ZZEF1: variants seen among roughly 807,000 people sequenced by gnomAD.
The protein encoded by ZZEF1 is zinc finger ZZ-type and EF-hand domain containing 1, also known as zinc finger ZZ-type and EF-hand domain-containing protein 1.
In ZZEF1, 157 loss-of-function variants were observed where a neutral mutation model predicts 342.8. The ratio of observed to expected loss-of-function variants is 0.46; its 90% confidence interval spans 0.40 to 0.52. The LOEUF (loss-of-function observed/expected upper bound fraction) is 0.52, where lower values mean the gene tolerates loss of function less well. ZZEF1 is among the 20% of genes least tolerant of loss of function. ZZEF1 has a pLI of 0.00. For synonymous variants in ZZEF1, 1,505 were observed against 1,429.1 expected (o/e 1.05, Z -1.20); for missense variants, 3,480 against 3,725.6 (o/e 0.93, Z 1.72).
At chr17:4,010,724 C>CAAAAAAAAAAAAAAAAAAA (rs58349682) in intron 52 of ZZEF1, among the ~76,000 whole-genome samples, 1 of 85,254 alleles carries the variant, frequency 1.2e-5, no homozygotes, top group Non-Finnish European at 2.1e-5. Context: ...GATTCCGTCT[C>CAAAAAAAAAAAAAAAAAAA]AAAAAAAAAA....
intron 52 of ZZEF1, among the ~76,000 whole-genome samples, chr17:4,010,669 G>A (rs1412792512): frequency 7.7e-6 from 1 of 130,370 alleles, no homozygotes; most frequent in Non-Finnish European, 1.5e-5. Context: ...AGGTTGCAGT[G>A]GGCTGAGATC....
At chr17:4,130,446 C>T (rs1246402852) in intron 1 of ZZEF1, among the ~76,000 whole-genome samples, 1 of 151,972 alleles carries the variant, frequency 6.6e-6, no homozygotes, top group African/African-American at 2.4e-5. Context: ...GAGTAAGACT[C>T]TGTCTCAAAA....
intron 37 of ZZEF1, 113 bp downstream of exon 37, chr17:4,049,595 A>G: frequency 8.0e-7 from 1 of 1,248,326 alleles, no homozygotes; most frequent in Non-Finnish European, 1.1e-6. Flanking sequence ...ATGTGAATCC[A>G]GCAGTCTGGG....
chr17:4,025,809 A>C (rs550997970), intron 42 of ZZEF1, among the ~76,000 whole-genome samples: 1 of 152,378 alleles, frequency 6.6e-6, no homozygotes, highest in Non-Finnish European at 1.5e-5. Context: ...AATAGCTTGC[A>C]GATATTGGGC....
In ZZEF1 at chr17:4,109,663, G is replaced by C; in HGVS notation, c.1267C>G (p.His423Asp). The change falls in exon 6 of 55, where the codon CAC becomes GAC. Residue 423 changes from histidine to aspartate, a missense_variant. Coordinates refer to ENST00000381638, the MANE Select transcript of ZZEF1 (RefSeq NM_015113.4). The stretch of plus-strand genomic sequence containing the variant: ...GAGAGAATGACTTACTGAGTATTGT[G>C]CAGCACTGTCTGGACAAAGGCGGGA... ...TNPAFVQTVLHNTQKALRHMP... is the reference protein window; with the variant it reads ...TNPAFVQTVLDNTQKALRHMP... The C allele has an allele frequency of 6.2e-7, 1 of 1,614,114 alleles. No homozygotes were observed. Among genetic ancestry groups the C allele is most frequent in the Non-Finnish European group, 8.5e-7 (1 of 1,179,972 alleles).
At chr17:4,093,831 A>C (rs2057988299) in intron 11 of ZZEF1, among the ~76,000 whole-genome samples, 2 of 152,012 alleles carry the variant, frequency 1.3e-5, no homozygotes, top group African/African-American at 4.8e-5. Flanking sequence ...TTCAATTTTA[A>C]CTCACTAGTA....
intron 39 of ZZEF1, among the ~76,000 whole-genome samples, chr17:4,038,165 G>A (rs951146526): frequency 2.0e-5 from 3 of 152,196 alleles, no homozygotes; most frequent in East Asian, 3.8e-4. Flanking sequence ...AAATTTGAGA[G>A]GATATGGAGC....
intron 16 of ZZEF1, among the ~76,000 whole-genome samples, chr17:4,085,396 G>C (rs1296844868): frequency 6.6e-6 from 1 of 152,180 alleles, no homozygotes; most frequent in Non-Finnish European, 1.5e-5. Context: ...ATGTGGAAAA[G>C]AAAGGATGGT....
rs2055763544 is a variant in ZZEF1, at chr17:4,004,558, T to C, written c.*2332A>G. ...ACTCAGGCTGATAGAATCAAAATTC[T>C]TTCAACCAAATAAGAAAAATTCAAA... On this transcript the variant is annotated 3_prime_UTR_variant, in exon 55 of 55. Transcript: ENST00000381638. 1 of 152,590 alleles carries C rather than the reference T, an allele frequency of 6.6e-6. No homozygotes were observed. The highest frequency in any genetic ancestry group is 1.5e-5 in the Non-Finnish European group (1 of 68,046). The allele number at this position is 152,590 out of a possible 1,614,324, so 9.5% of individuals were successfully genotyped here.
chr17:4,122,665 G>A (rs755678410), intron 2 of ZZEF1, among the ~76,000 whole-genome samples: 6 of 152,158 alleles, frequency 3.9e-5, no homozygotes, highest in African/African-American at 9.7e-5. Context: ...GATTACAGGC[G>A]TGAGCCACTG....
intron 18 of ZZEF1, among the ~76,000 whole-genome samples, chr17:4,078,309 G>A (rs752799368): frequency 8.6e-5 from 13 of 152,002 alleles, no homozygotes; most frequent in Non-Finnish European, 1.3e-4. Flanking sequence ...ACCCCCCTGG[G>A]TATCTCTTCT....
At chr17:4,031,559 T>C (rs964220407) in intron 42 of ZZEF1, among the ~76,000 whole-genome samples, 2 of 152,122 alleles carry the variant, frequency 1.3e-5, no homozygotes, top group African/African-American at 2.4e-5. Flanking sequence ...GACATTTACA[T>C]ACACGAAAAC....
At chr17:4,072,025 A>G (rs1321311362) in intron 25 of ZZEF1, among the ~76,000 whole-genome samples, 1 of 152,118 alleles carries the variant, frequency 6.6e-6, no homozygotes, top group African/African-American at 2.4e-5. Context: ...GCGGACTAGC[A>G]TGGATCCAAA....
rs1220839737 is a variant in ZZEF1 at position 4,024,192 on chromosome 17, T to TTTTG, written c.7092+726_7092+727insCAAA. ...CATGCCAAATATTGCCCAGGTTTTT[T>TTTTG]TTTTTTTTTTTTTTTTTTTTTTACA... On this transcript the variant is annotated intron_variant, in intron 43 of 54. Coordinates refer to ENST00000381638, the MANE Select transcript of ZZEF1 (RefSeq NM_015113.4). Among the ~76,000 whole-genome samples the TTTTG allele has an allele frequency of 3.3e-4, 43 of 128,500 alleles. 2 individuals are homozygous for TTTTG. The highest frequency in any genetic ancestry group is 1.5e-3 in the African/African-American group (41 of 27,556). The allele number at this position is 128,500 out of a possible 152,430, so 84.3% of individuals were successfully genotyped here. A position where few individuals can be genotyped will look rare whatever the true frequency, so the allele number is the denominator to read the frequency against.
intron 17 of ZZEF1, among the ~76,000 whole-genome samples, 183 bp from the exon 18 acceptor site, chr17:4,081,673 G>A (rs963194791): frequency 7.2e-5 from 11 of 152,350 alleles, no homozygotes; most frequent in African/African-American, 2.6e-4. Context: ...GTCCACATGT[G>A]CTTCCATTAG....
intron 32 of ZZEF1, among the ~76,000 whole-genome samples, 186 bp from the exon 33 acceptor site, chr17:4,056,531 A>G (rs1311257980): frequency 1.3e-5 from 2 of 152,178 alleles, no homozygotes; most frequent in Non-Finnish European, 2.9e-5. Flanking sequence ...GCCAAGAAAG[A>G]AGGAGAAGCC....
At chr17:4,100,794 C>T (rs184377646) in intron 9 of ZZEF1, among the ~76,000 whole-genome samples, 27 of 152,276 alleles carry the variant, frequency 1.8e-4, no homozygotes, top group African/African-American at 5.8e-4. Context: ...AAGATCATAC[C>T]ACTGCACTCC....
In ZZEF1 at chr17:4,142,986, G is replaced by GGACGCGGAGGA; in HGVS notation, c.-102_-92dup. On this transcript the variant is annotated 5_prime_UTR_variant, in exon 1 of 55. Coordinates refer to ENST00000381638, the MANE Select transcript of ZZEF1 (RefSeq NM_015113.4). ...ACCTCCGACAGCAGCTGGCGGGCGG[G>GGACGCGGAGGA]GACGCGGAGGAGACGACGGCGGCCC... 7.9e-7 allele frequency: 1 copy of GGACGCGGAGGA among 1,263,800 alleles called. No homozygotes were observed. The highest frequency in any genetic ancestry group is 9.9e-7 in the Non-Finnish European group (1 of 1,008,700). 78.3% of individuals were successfully genotyped at this position (1,263,800 alleles called of 1,614,324 possible). A position where few individuals can be genotyped will look rare whatever the true frequency, so the allele number is the denominator to read the frequency against.
chr17:4,052,237 T>C, intron 34 of ZZEF1, 101 bp from the exon 35 acceptor site: 4 of 1,219,662 alleles, frequency 3.3e-6, no homozygotes, highest in Non-Finnish European at 4.5e-6. Flanking sequence ...CGTTCCCAAG[T>C]GACTGCTCAG....
Sources: gnomAD v4.1 joint callset for allele counts (sites outside exome capture counted in the v4.1 genomes callset) on GRCh38, gnomAD v4.1.1 for gene constraint, MANE v1.5 for transcripts, NCBI Gene and HGNC (gene_info 2026-07-23, HGNC 2026-07-21) for gene names.